CTNNA2: variants seen among roughly 807,000 people sequenced by gnomAD.
CTNNA2 encodes the protein catenin alpha-2.
Under a neutral mutation model 101.0 loss-of-function variants are expected in CTNNA2, and 42 were observed. The ratio of observed to expected loss-of-function variants is 0.42; its 90% confidence interval spans 0.32 to 0.54. The LOEUF is 0.54. CTNNA2 is among the 20% of genes least tolerant of loss of function. CTNNA2 has a pLI of 0.14. For synonymous variants in CTNNA2, 450 were observed against 456.4 expected (o/e 0.99, Z 0.18); for missense variants, 871 against 1,223.1 (o/e 0.71, Z 4.29).
intron 7 of CTNNA2, among the ~76,000 whole-genome samples, chr2:80,246,226 G>C (rs1398438705): frequency 6.6e-6 from 1 of 152,170 alleles, no homozygotes; most frequent in Non-Finnish European, 1.5e-5. Flanking sequence ...TCAAGACCCA[G>C]TTTGTGAATG....
intron 7 of CTNNA2, among the ~76,000 whole-genome samples, chr2:80,289,599 T>G (rs753636755): frequency 3.9e-5 from 6 of 152,166 alleles, no homozygotes. Flanking sequence ...CTAATGCTGA[T>G]TGAGAATCTA....
chr2:79,319,753 AC>A (rs1558624058), intron 3 of CTNNA2: 1 of 152,264 alleles, frequency 6.6e-6, no homozygotes, highest in Non-Finnish European at 1.5e-5. Context: ...GGACACTAAA[AC>A]TTTTCTGCCC....
At chr2:80,248,611 C>A (rs1299574746) in intron 7 of CTNNA2, among the ~76,000 whole-genome samples, 2 of 152,172 alleles carry the variant, frequency 1.3e-5, no homozygotes, top group Non-Finnish European at 2.9e-5. Flanking sequence ...AACCACTGTG[C>A]TGCTTCCCCG....
At chr2:79,614,287 A>G (rs1678479077) in intron 1 of CTNNA2, among the ~76,000 whole-genome samples, 1 of 152,144 alleles carries the variant, frequency 6.6e-6, no homozygotes, top group Non-Finnish European at 1.5e-5. Context: ...TAGGAATCTC[A>G]GAGGTATTTT....
chr2:79,506,391 C>A (rs1671414762), intron 5 of CTNNA2, among the ~76,000 whole-genome samples: 1 of 152,028 alleles, frequency 6.6e-6, no homozygotes, highest in Non-Finnish European at 1.5e-5. Context: ...AATTGTTTCT[C>A]TTCCATCAGC....
At chr2:79,281,773 C>T (rs1438851064) in intron 2 of CTNNA2, among the ~76,000 whole-genome samples, 15 of 152,158 alleles carry the variant, frequency 9.9e-5, no homozygotes, top group Non-Finnish European at 2.1e-4. Context: ...TTTCTAGAAA[C>T]ATAATAAAGT....
At position 79,639,121 on chromosome 2, in the gene CTNNA2, T is replaced by A. The variant is rs1171502784; in HGVS notation, c.-5-12431T>A. ...GGTACTGCCTGATCTAAATGCCAAG[T>A]TGAAATGAAATGATTTAATGGTCCC... On this transcript the variant is annotated intron_variant, in intron 1 of 18. Transcript: ENST00000402739. Among the ~76,000 whole-genome samples the A allele has an allele frequency of 5.3e-5, 8 of 152,288 alleles. No homozygotes were observed. The East Asian group carries it at 1.5e-3, about 29-fold the overall frequency.
At chr2:80,271,014 G>A (rs1248317732) in intron 7 of CTNNA2, among the ~76,000 whole-genome samples, 1 of 152,092 alleles carries the variant, frequency 6.6e-6, no homozygotes, top group Non-Finnish European at 1.5e-5. Flanking sequence ...CCACCCCCAA[G>A]AAGACACAAG....
rs78394914 is a variant in CTNNA2, at chr2:79,655,212, G to C, written c.102+3554G>C. On this transcript the variant is annotated intron_variant, in intron 2 of 18. Transcript: ENST00000402739. ...AAGTGAGTGACCTTTTCCTAGCCTTGGAGTTTACACTTAAGAGTACCTATA... is the reference window on the plus strand; with the variant it reads ...AAGTGAGTGACCTTTTCCTAGCCTTCGAGTTTACACTTAAGAGTACCTATA... Among the ~76,000 whole-genome samples the C allele has an allele frequency of 3.5e-3, 528 of 152,190 alleles. 10 individuals are homozygous for C. In the East Asian group the frequency reaches 0.048, roughly 14 times the overall value.
intron 9 of CTNNA2, among the ~76,000 whole-genome samples, chr2:80,422,705 C>T (rs1356009951): frequency 6.6e-6 from 1 of 152,078 alleles, no homozygotes; most frequent in Admixed American, 6.6e-5. Flanking sequence ...ATGATTTTCT[C>T]GTCTCCTTTA....
intron 8 of CTNNA2, among the ~76,000 whole-genome samples, chr2:80,413,380 C>T (rs1456558068): frequency 1.3e-5 from 2 of 152,134 alleles, no homozygotes; most frequent in Non-Finnish European, 2.9e-5. Flanking sequence ...AAGATAATGA[C>T]CAGAGAATTT....
At chr2:79,356,297 G>T (rs1677507575) in intron 3 of CTNNA2, among the ~76,000 whole-genome samples, 1 of 150,992 alleles carries the variant, frequency 6.6e-6, no homozygotes, top group Non-Finnish European at 1.5e-5. Context: ...TTTTTAATTG[G>T]GTTGCTTATT....
chr2:79,909,867 G>A, intron 7 of CTNNA2, 70 bp downstream of exon 7: 2 of 1,432,524 alleles, frequency 1.4e-6, no homozygotes, highest in Non-Finnish European at 1.9e-6. Context: ...TCTTTTGGAA[G>A]CATAGATAGC....
chr2:79,301,720 T>C (rs938764838), intron 2 of CTNNA2, among the ~76,000 whole-genome samples: 3 of 152,084 alleles, frequency 2.0e-5, no homozygotes, highest in Admixed American at 6.6e-5. Context: ...GCTTTCCCAA[T>C]AGGAGACTAT....
chr2:79,623,952 G>A (rs1679147218), intron 1 of CTNNA2, among the ~76,000 whole-genome samples: 1 of 152,008 alleles, frequency 6.6e-6, no homozygotes, highest in Non-Finnish European at 1.5e-5. Context: ...TAAATCATTT[G>A]CGAAAGAATT....
At chr2:80,092,724 A>C (rs116823755) in intron 7 of CTNNA2, among the ~76,000 whole-genome samples, 2,236 of 152,212 alleles carry the variant, frequency 0.015, 47 homozygotes, top group African/African-American at 0.05. Context: ...TTACTGGCCT[A>C]GCTGCTGCCA....
intron 2 of CTNNA2, among the ~76,000 whole-genome samples, chr2:79,254,737 G>T (rs1305881929): frequency 6.6e-6 from 1 of 151,886 alleles, no homozygotes; most frequent in Non-Finnish European, 1.5e-5. Context: ...GAAAAATAAT[G>T]CTGTAATTTA....
intron 7 of CTNNA2, among the ~76,000 whole-genome samples, chr2:80,380,316 G>T (rs1280265523): frequency 2.0e-5 from 3 of 152,070 alleles, no homozygotes; most frequent in African/African-American, 7.2e-5. Flanking sequence ...GATTACAGGC[G>T]TGAGCCACCG....
chr2:80,628,082 A>AACT (rs1671874094), intron 18 of CTNNA2, among the ~76,000 whole-genome samples: 2 of 152,162 alleles, frequency 1.3e-5, no homozygotes, highest in South Asian at 4.1e-4. Flanking sequence ...CTTCAAGGAG[A>AACT]ACTACAAACC....
Sources: allele counts gnomAD v4.1 joint callset (sites outside exome capture counted in the v4.1 genomes callset), GRCh38; gene constraint gnomAD v4.1.1; transcripts MANE v1.5; gene names NCBI Gene and HGNC (gene_info 2026-07-23, HGNC 2026-07-21).